Variants in SOX6 observed in about 807,000 individuals in gnomAD.
SOX6 encodes the protein SRY-box transcription factor 6, also known as transcription factor SOX-6.
Under a neutral mutation model 97.8 loss-of-function variants are expected in SOX6, and 11 were observed. The observed-to-expected ratio is 0.11, with a 90% CI of 0.07 to 0.19. SOX6 has a LOEUF of 0.19. SOX6 is among the 10% of genes least tolerant of loss of function. The pLI is 1.00. For missense variants in SOX6, 810 were observed against 1,039.5 expected (o/e 0.78, Z 3.04); for synonymous variants, 360 against 371.4 (o/e 0.97, Z 0.35).
chr11:16,297,453 T>C (rs780888889), intron 3 of SOX6, among the ~76,000 whole-genome samples: 17 of 152,168 alleles, frequency 1.1e-4, no homozygotes, highest in Non-Finnish European at 2.4e-4. Flanking sequence ...AGTTCACATG[T>C]CAAACTGGCA....
At chr11:16,285,780 A>C (rs948526579) in intron 3 of SOX6, among the ~76,000 whole-genome samples, 12 of 152,150 alleles carry the variant, frequency 7.9e-5, no homozygotes, top group African/African-American at 2.9e-4. Context: ...AATCAATAAA[A>C]GTTATTTCAA....
intron 4 of SOX6, among the ~76,000 whole-genome samples, chr11:16,495,415 G>A (rs1267475332): frequency 6.6e-6 from 1 of 152,164 alleles, no homozygotes; most frequent in African/African-American, 2.4e-5. Flanking sequence ...ACCTGGCAGT[G>A]CTCTGCCCCA....
At chr11:16,688,009 G>A (rs1287137671) in intron 3 of SOX6, among the ~76,000 whole-genome samples, 6 of 151,674 alleles carry the variant, frequency 4.0e-5, no homozygotes, top group Non-Finnish European at 7.4e-5. Context: ...GTCTCACTCT[G>A]TCATCCAGGC....
At chr11:16,259,486 A>C (rs556419424) in intron 3 of SOX6, among the ~76,000 whole-genome samples, 1 of 152,248 alleles carries the variant, frequency 6.6e-6, no homozygotes, top group South Asian at 2.1e-4. Context: ...AAAAATTTTG[A>C]GTAAGAACAA....
Position 15,970,009 on chromosome 11 carries a change from A to C in SOX6, c.*2800T>G, listed in dbSNP as rs1017714139. On this transcript the variant is annotated 3_prime_UTR_variant, in exon 16 of 16. Coordinates refer to ENST00000683767, the MANE Select transcript of SOX6 (RefSeq NM_001367873.1). ...ACTGAGGCAGAGCTGGAGCTAAAAC[A>C]AAGTGTTCATACACACATGTATTTT... is the stretch of plus-strand genomic sequence containing the variant. 1 of 152,242 alleles carries C rather than the reference A, an allele frequency of 6.6e-6. No individual in the cohort carries two copies. The highest frequency in any genetic ancestry group is 2.4e-5 in the African/African-American group (1 of 41,468). 9.4% of individuals were successfully genotyped at this position (152,242 alleles called of 1,614,324 possible). A position where few individuals can be genotyped will look rare whatever the true frequency, so the allele number is the denominator to read the frequency against.
intron 6 of SOX6, among the ~76,000 whole-genome samples, chr11:16,164,991 C>T (rs16932659): frequency 0.069 from 10,528 of 152,196 alleles, 401 homozygotes; most frequent in Non-Finnish European, 0.096. Context: ...ATCTATATTG[C>T]TAACTGCAGC....
At chr11:16,110,973 A>G (rs573672244) in intron 7 of SOX6, among the ~76,000 whole-genome samples, 1 of 152,366 alleles carries the variant, frequency 6.6e-6, no homozygotes, top group Non-Finnish European at 1.5e-5. Context: ...AACTTGACAC[A>G]GAAATTATTA....
chr11:16,425,665 A>G (rs1177022532), intron 1 of SOX6, among the ~76,000 whole-genome samples: 1 of 152,202 alleles, frequency 6.6e-6, no homozygotes, highest in African/African-American at 2.4e-5. Context: ...GCATTCTTAT[A>G]CACCAACAAC....
At chr11:16,439,703 A>G (rs1028180686) in intron 1 of SOX6, among the ~76,000 whole-genome samples, 2 of 152,164 alleles carry the variant, frequency 1.3e-5, no homozygotes, top group African/African-American at 4.8e-5. Context: ...CTGTCTTTTC[A>G]TGGTATCATT....
At chr11:16,271,517 A>C (rs1164948848) in intron 3 of SOX6, among the ~76,000 whole-genome samples, 1 of 151,432 alleles carries the variant, frequency 6.6e-6, no homozygotes, top group Non-Finnish European at 1.5e-5. Context: ...TATTTCTGTG[A>C]TAACTTTCTT....
chr11:16,524,851 A>G (rs1184212810), intron 4 of SOX6, among the ~76,000 whole-genome samples: 1 of 152,226 alleles, frequency 6.6e-6, no homozygotes, highest in Non-Finnish European at 1.5e-5. Context: ...ACAAACAGAG[A>G]GCCATATCAT....
intron 4 of SOX6, among the ~76,000 whole-genome samples, chr11:16,225,655 ATCC>A (rs1852666277): frequency 6.6e-6 from 1 of 152,152 alleles, no homozygotes; most frequent in African/African-American, 2.4e-5. Context: ...ATGCTGTTAG[ATCC>A]ATCCTGACCC....
At chr11:16,637,771 C>A (rs1478997773) in intron 3 of SOX6, among the ~76,000 whole-genome samples, 1 of 152,086 alleles carries the variant, frequency 6.6e-6, no homozygotes, top group Non-Finnish European at 1.5e-5. Context: ...AAATATATTT[C>A]TCAAGGTCGC....
At chr11:16,505,872 A>G (rs748226564) in intron 4 of SOX6, among the ~76,000 whole-genome samples, 1 of 152,210 alleles carries the variant, frequency 6.6e-6, no homozygotes, top group Non-Finnish European at 1.5e-5. Flanking sequence ...TTAAGCCTGC[A>G]GGTGGGCAGA....
At chr11:16,356,636 A>C (rs1857084101), upstream of SOX6, among the ~76,000 whole-genome samples, 1 of 152,222 alleles carries the variant, frequency 6.6e-6, no homozygotes, top group African/African-American at 2.4e-5. Context: ...TGGAACCTGA[A>C]TTTTTGTGAA....
At chr11:16,578,099 T>C (rs1401310315) in intron 4 of SOX6, among the ~76,000 whole-genome samples, 1 of 152,192 alleles carries the variant, frequency 6.6e-6, no homozygotes, top group Non-Finnish European at 1.5e-5. Context: ...TTTTATATGG[T>C]GTGAGGAAGG....
At chr11:16,072,807 G>T (rs1014175870) in intron 9 of SOX6, among the ~76,000 whole-genome samples, 2 of 152,122 alleles carry the variant, frequency 1.3e-5, no homozygotes, top group African/African-American at 4.8e-5. Flanking sequence ...ATTCTTAAAA[G>T]AAATCCTCAC....
At chr11:16,582,150 C>T (rs906123681) in intron 4 of SOX6, among the ~76,000 whole-genome samples, 3 of 151,882 alleles carry the variant, frequency 2.0e-5, no homozygotes, top group Non-Finnish European at 2.9e-5. Context: ...TAAATACCAG[C>T]GACTACCTGG....
At chr11:16,486,453 G>A (rs980505651) in intron 4 of SOX6, among the ~76,000 whole-genome samples, 2 of 151,660 alleles carry the variant, frequency 1.3e-5, no homozygotes, top group African/African-American at 4.9e-5. Context: ...CTTAATAATA[G>A]TTTTTAAAAA....
Sources: allele counts gnomAD v4.1 joint callset (sites outside exome capture counted in the v4.1 genomes callset), GRCh38; gene constraint gnomAD v4.1.1; transcripts MANE v1.5; gene names NCBI Gene and HGNC (gene_info 2026-07-23, HGNC 2026-07-21).